Variants in FGF14 observed in about 807,000 individuals in gnomAD.
FGF14 encodes the protein fibroblast growth factor homologous factor 4.
Under a neutral mutation model 25.5 loss-of-function variants are expected in FGF14, and 5 were observed. The observed-to-expected ratio is 0.20, with a 90% CI of 0.10 to 0.41. The LOEUF is 0.41. Ranked by LOEUF, FGF14 falls within the 10% of genes least tolerant of loss-of-function variation. The pLI, the probability that FGF14 is intolerant of heterozygous loss-of-function variation, is 1.00. For synonymous variants in FGF14, 138 were observed against 118.3 expected, an observed-to-expected ratio of 1.17 and a Z score of -1.08; for missense variants, 222 against 320.1, an observed-to-expected ratio of 0.69 and a Z score of 2.34.
intron 1 of FGF14, among the ~76,000 whole-genome samples, chr13:102,075,636 T>C (rs2043328443): frequency 6.6e-6 from 1 of 152,220 alleles, no homozygotes; most frequent in African/African-American, 2.4e-5. Flanking sequence ...CATTTTATCA[T>C]TATTTTAGAG....
intron 1 of FGF14, among the ~76,000 whole-genome samples, chr13:102,242,151 CTGTA>C (rs1338293058): frequency 6.6e-6 from 1 of 152,094 alleles, no homozygotes; most frequent in Non-Finnish European, 1.5e-5. Flanking sequence ...TATTTGTAAA[CTGTA>C]TGAATAAGTT....
intron 1 of FGF14, chr13:102,017,003 C>G (rs1236269700): frequency 6.3e-6 from 1 of 157,568 alleles, no homozygotes; most frequent in East Asian, 1.9e-4. Flanking sequence ...GCAAGTAGAA[C>G]AAGGAATTCT....
In FGF14 at chr13:101,859,682, T is replaced by C. The variant is rs1479358502; in HGVS notation, c.408+9043A>G. On this transcript the variant is annotated intron_variant, in intron 3 of 4. Coordinates refer to ENST00000376143, the MANE Select transcript of FGF14 (RefSeq NM_004115.4). ...ATTTGTTAAGTAGGTCGTATGGTTT[T>C]GGTTGTAGTTAGGAAATACGTGTTA... Among the ~76,000 whole-genome samples, 5 of 152,114 alleles carry C rather than the reference T, an allele frequency of 3.3e-5. No individual in the cohort carries two copies. In the East Asian group the frequency reaches 9.7e-4, roughly 29 times the overall value.
intron 1 of FGF14, among the ~76,000 whole-genome samples, chr13:102,065,261 A>G (rs1298128499): frequency 6.6e-6 from 1 of 152,102 alleles, no homozygotes; most frequent in Non-Finnish European, 1.5e-5. Context: ...AGTGTTTATA[A>G]TGTCAACTTG....
intron 1 of FGF14, among the ~76,000 whole-genome samples, chr13:102,153,032 CAAGGCT>C (rs2047157290): frequency 6.6e-6 from 1 of 152,182 alleles, no homozygotes. Flanking sequence ...CTGGGAGCTG[CAAGGCT>C]GCTGCTCTCC....
At chr13:102,157,652 A>G (rs1387759969) in intron 1 of FGF14, among the ~76,000 whole-genome samples, 1 of 152,260 alleles carries the variant, frequency 6.6e-6, no homozygotes, top group East Asian at 1.9e-4. Context: ...GCCAAAATTG[A>G]CAAATGGGAT....
chr13:101,949,720 G>A (rs2036035569), intron 1 of FGF14, among the ~76,000 whole-genome samples: 1 of 152,140 alleles, frequency 6.6e-6, no homozygotes, highest in South Asian at 2.1e-4. Context: ...ATTGCTTGCT[G>A]TGGGATACAC....
chr13:101,995,902 C>T (rs756528057), intron 1 of FGF14, among the ~76,000 whole-genome samples: 1 of 151,890 alleles, frequency 6.6e-6, no homozygotes, highest in Non-Finnish European at 1.5e-5. Context: ...TTAAAGCATA[C>T]AAAAAATAGG....
chr13:102,345,922 G>T (rs916733584), intron 1 of FGF14, among the ~76,000 whole-genome samples: 3 of 152,104 alleles, frequency 2.0e-5, no homozygotes, highest in African/African-American at 7.2e-5. Flanking sequence ...AAAGTGTACT[G>T]GTTATTAGTG....
chr13:102,171,218 T>A (rs566705594), intron 1 of FGF14, among the ~76,000 whole-genome samples: 2 of 152,314 alleles, frequency 1.3e-5, no homozygotes, highest in East Asian at 3.9e-4. Context: ...GTTTATCATG[T>A]GCTGTTTCTA....
At chr13:101,856,216 T>C (rs954321061) in intron 3 of FGF14, among the ~76,000 whole-genome samples, 7 of 151,834 alleles carry the variant, frequency 4.6e-5, no homozygotes, top group Non-Finnish European at 7.4e-5. Flanking sequence ...TCTTACTTCC[T>C]CTCTAGGTAA....
chr13:101,907,222 T>C (rs2032354441), intron 1 of FGF14, among the ~76,000 whole-genome samples: 1 of 152,106 alleles, frequency 6.6e-6, no homozygotes, highest in Non-Finnish European at 1.5e-5. Context: ...TCTTCCCAAG[T>C]AAGGAAACAC....
chr13:101,930,176 G>A (rs766623329), intron 1 of FGF14, among the ~76,000 whole-genome samples: 1 of 151,836 alleles, frequency 6.6e-6, no homozygotes, highest in Non-Finnish European at 1.5e-5. Context: ...GTTCCAATAA[G>A]ACACTTGAAA....
intron 3 of FGF14, among the ~76,000 whole-genome samples, chr13:101,756,780 GT>G (rs2037692592): frequency 6.6e-6 from 1 of 151,950 alleles, no homozygotes; most frequent in Non-Finnish European, 1.5e-5. Flanking sequence ...ACAAAAAACT[GT>G]CCTAGAAAAG....
At chr13:102,249,272 C>T (rs1299648812) in intron 1 of FGF14, among the ~76,000 whole-genome samples, 1 of 152,130 alleles carries the variant, frequency 6.6e-6, no homozygotes, top group Non-Finnish European at 1.5e-5. Context: ...GGAGCAAGAA[C>T]TTGTTAAAAA....
chr13:101,849,893 C>A (rs973154316), intron 3 of FGF14, among the ~76,000 whole-genome samples: 2 of 151,982 alleles, frequency 1.3e-5, no homozygotes, highest in African/African-American at 4.8e-5. Flanking sequence ...GGATATCCAC[C>A]ATCATGAAAG....
chr13:102,024,173 ACT>A (rs920445642), intron 1 of FGF14, among the ~76,000 whole-genome samples: 8 of 152,012 alleles, frequency 5.3e-5, no homozygotes, highest in African/African-American at 1.9e-4. Context: ...TTCCTGAGTT[ACT>A]CTGTTTCACA....
chr13:102,352,068 G>T (rs560454586), intron 1 of FGF14, among the ~76,000 whole-genome samples: 106 of 152,182 alleles, frequency 7.0e-4, no homozygotes, highest in Non-Finnish European at 1.2e-3. Flanking sequence ...ACAAGCAAAT[G>T]TTTAAAACGC....
In FGF14 at chr13:101,714,911, CAG is replaced by C. The variant is rs2034644288; in HGVS notation, c.*7918_*7919del. The C allele has an allele frequency of 4.5e-6, 1 of 220,356 alleles. No homozygotes were observed. Among genetic ancestry groups the C allele is most frequent in the African/African-American group, 2.3e-5 (1 of 43,366 alleles). 13.7% of individuals were successfully genotyped at this position (220,356 alleles called of 1,614,324 possible). On this transcript the variant is annotated 3_prime_UTR_variant, in exon 5 of 5. Transcript: ENST00000376143. ...ATAGGGAATGAAATATTCTTTTAAA[CAG>C]AATCTGGGTACCACTAGTTGATGTG...
Sources: gnomAD v4.1 joint callset for allele counts (sites outside exome capture counted in the v4.1 genomes callset) on GRCh38, gnomAD v4.1.1 for gene constraint, MANE v1.5 for transcripts, NCBI Gene and HGNC (gene_info 2026-07-23, HGNC 2026-07-21) for gene names.